Variants in SULF1 observed in about 807,000 individuals in gnomAD.
SULF1 encodes the protein sulfatase 1.
A neutral mutation model predicts 110.5 loss-of-function variants in SULF1; 46 were observed. That is an observed-to-expected ratio of 0.42 (90% CI 0.33 to 0.53). The LOEUF (loss-of-function observed/expected upper bound fraction) is 0.53. Ranked by LOEUF, SULF1 falls within the 20% of genes least tolerant of loss-of-function variation. The pLI, the probability that SULF1 is intolerant of heterozygous loss-of-function variation, is 0.12. For missense variants in SULF1, 941 were observed against 1,094.2 expected (o/e 0.86, Z 1.98); for synonymous variants, 371 against 387.1 (o/e 0.96, Z 0.49).
At position 69,605,299 on chromosome 8, in the gene SULF1, G is replaced by A. The variant is rs34605498; in HGVS notation, c.1377+367G>A. Among the ~76,000 whole-genome samples, 893 of 152,304 alleles carry A rather than the reference G, an allele frequency of 5.9e-3. 9 individuals are homozygous for A. The highest frequency in any genetic ancestry group is 6.6e-3 in the Non-Finnish European group (451 of 68,032). ...CAGGTACGTGCTGAGCCTCTTGGCA[G>A]TGAACCACCCCAAGAGACATGATAG... On this transcript the variant is annotated intron_variant, in intron 13 of 22. Transcript: ENST00000402687.
chr8:69,566,803 TCACACCATTGCACTCCAGCCTGGG>T (rs1275080402), intron 5 of SULF1, among the ~76,000 whole-genome samples: 1 of 151,726 alleles, frequency 6.6e-6, no homozygotes, highest in Non-Finnish European at 1.5e-5. Context: ...TGAGCCGAGA[TCACACCATTGCACTCCAGCCTGGG>T]CTACAGAGCG....
In SULF1 at chr8:69,534,530, A is replaced by G. The variant is rs199707442; in HGVS notation, c.-133-29009A>G. Among the ~76,000 whole-genome samples, 35 of 152,348 alleles carry G rather than the reference A, an allele frequency of 2.3e-4. No individual in the cohort carries two copies. The East Asian group carries it at 6.6e-3, about 29-fold the overall frequency. On this transcript the variant is annotated intron_variant, in intron 3 of 22. Transcript: ENST00000402687. Reference sequence around the variant, plus strand: ...CACTGAAGTTTTAGAATATATAAGAACAAGTATTCCTTCCAGGAAGGTAGG... The same window carrying G: ...CACTGAAGTTTTAGAATATATAAGAGCAAGTATTCCTTCCAGGAAGGTAGG...
In SULF1 at chr8:69,660,400, C is replaced by T. The variant is rs1813029310; in HGVS notation, c.*1865C>T. On this transcript the variant is annotated 3_prime_UTR_variant, in exon 23 of 23. Transcript: ENST00000402687. ...CTTTTAAAGACATAGTTCAAAATTG[C>T]TTTTGAAAATCTGTATTCTTGAAAA... The T allele has an allele frequency of 6.6e-6, 1 of 152,442 alleles. No individual in the cohort carries two copies. Among genetic ancestry groups the T allele is most frequent in the Non-Finnish European group, 1.5e-5 (1 of 68,022 alleles). The allele number at this position is 152,442 out of a possible 1,614,324, so 9.4% of individuals were successfully genotyped here.
chr8:69,506,767 C>G (rs1188367707), intron 3 of SULF1, among the ~76,000 whole-genome samples: 1 of 152,174 alleles, frequency 6.6e-6, no homozygotes, highest in African/African-American at 2.4e-5. Flanking sequence ...AGAAAAATAG[C>G]TCTTCCCCTG....
chr8:69,551,137 A>G (rs1056794313), intron 3 of SULF1, among the ~76,000 whole-genome samples: 6 of 152,244 alleles, frequency 3.9e-5, no homozygotes, highest in Non-Finnish European at 8.8e-5. Flanking sequence ...GCTGAACAGA[A>G]TTGGTAAACT....
In SULF1 at chr8:69,609,423, C is replaced by G. The variant is rs191895226; in HGVS notation, c.1377+4491C>G. Among the ~76,000 whole-genome samples the G allele has an allele frequency of 2.0e-3, 298 of 152,284 alleles. 2 individuals carry two copies. Among genetic ancestry groups the G allele is most frequent in the African/African-American group, 5.1e-3 (212 of 41,546 alleles). ...CACTTGAAAAATGCTGATGCACCCC[C>G]CAGACCAACCAGGTTAAAAATGTCT... On this transcript the variant is annotated intron_variant, in intron 13 of 22. Transcript: ENST00000402687.
chr8:69,648,948 C>T (rs143870147), intron 22 of SULF1, among the ~76,000 whole-genome samples: 134 of 152,300 alleles, frequency 8.8e-4, no homozygotes, highest in African/African-American at 3.0e-3. Context: ...AATGGATTCA[C>T]GGCTTTTCTG....
chr8:69,601,572 T>G (rs1216731235), intron 9 of SULF1, 82 bp from the exon 10 acceptor site: 16 of 1,200,444 alleles, frequency 1.3e-5, no homozygotes, highest in Non-Finnish European at 1.8e-5. Flanking sequence ...GAAAAAGATT[T>G]GGGGGCAATC....
chr8:69,490,848 G>C (rs1809905519), upstream of SULF1, among the ~76,000 whole-genome samples: 4 of 152,194 alleles, frequency 2.6e-5, no homozygotes. Context: ...ATCTAGGCCA[G>C]TTCCTGAAAC....
At chr8:69,539,064 C>T (rs1238260246) in intron 3 of SULF1, among the ~76,000 whole-genome samples, 1 of 152,220 alleles carries the variant, frequency 6.6e-6, no homozygotes, top group Non-Finnish European at 1.5e-5. Context: ...GTGTCCAGGG[C>T]TGCCTTTGAA....
rs1273525221 is a variant in SULF1, at chr8:69,561,364, A to G, written c.-133-2175A>G. Among the ~76,000 whole-genome samples the G allele has an allele frequency of 2.6e-5, 4 of 152,220 alleles. No individual in the cohort carries two copies. In the South Asian group the frequency reaches 6.2e-4, roughly 24 times the overall value. On this transcript the variant is annotated intron_variant, in intron 3 of 22. Transcript: ENST00000402687. ...ATTCACCAGAAAGGAAGTTCATTTCATAGGAAAAAACCACTCTCTCTTTTC... is the reference window on the plus strand; with the variant it reads ...ATTCACCAGAAAGGAAGTTCATTTCGTAGGAAAAAACCACTCTCTCTTTTC...
At chr8:69,485,845 C>T (rs1347309219) in intron 1 of SULF1, among the ~76,000 whole-genome samples, 2 of 152,118 alleles carry the variant, frequency 1.3e-5, no homozygotes, top group Admixed American at 6.5e-5. Flanking sequence ...TTTCTTGGAC[C>T]GTGTTCATTT....
chr8:69,637,600 T>G (rs115145727), intron 19 of SULF1: 6,999 of 154,360 alleles, frequency 0.045, 216 homozygotes, highest in South Asian at 0.095. Flanking sequence ...AAACAGCAAA[T>G]TTCAACAATG....
At chr8:69,637,067 A>G (rs1353274718) in intron 19 of SULF1, among the ~76,000 whole-genome samples, 2 of 152,232 alleles carry the variant, frequency 1.3e-5, no homozygotes, top group Admixed American at 6.5e-5. Context: ...ATAAGAGAAG[A>G]CAACACTTCA....
chr8:69,594,564 T>C (rs1807161510), intron 8 of SULF1, among the ~76,000 whole-genome samples: 1 of 152,228 alleles, frequency 6.6e-6, no homozygotes, highest in Non-Finnish European at 1.5e-5. Flanking sequence ...TCCCTCTGTG[T>C]AAGCCACAGG....
At chr8:69,601,287 C>T (rs1176907442) in intron 9 of SULF1, among the ~76,000 whole-genome samples, 1 of 152,164 alleles carries the variant, frequency 6.6e-6, no homozygotes, top group Non-Finnish European at 1.5e-5. Flanking sequence ...CAGAAGCAGC[C>T]TGTTTTTAAC....
chr8:69,616,261 C>A (rs1809137793), intron 13 of SULF1, among the ~76,000 whole-genome samples: 1 of 149,958 alleles, frequency 6.7e-6, no homozygotes, highest in Admixed American at 6.7e-5. Flanking sequence ...GCTCTGTCAC[C>A]CAGGCTGGAG....
Position 69,583,505 on chromosome 8 carries a change from C to G in SULF1, c.413-2852C>G, listed in dbSNP as rs141270917. On this transcript the variant is annotated intron_variant, in intron 6 of 22. Coordinates refer to ENST00000402687, the MANE Select transcript of SULF1 (RefSeq NM_001128205.2). ...AGGAGAATCGCTTGAACCCAAGAGG[C>G]AGAGGTTGCAGTGAGCCGAGATCAC... Among the ~76,000 whole-genome samples the G allele has an allele frequency of 7.1e-3, 1,055 of 148,890 alleles. 16 individuals carry two copies. Among genetic ancestry groups the G allele is most frequent in the African/African-American group, 0.025 (1,001 of 40,296 alleles).
At position 69,600,744 on chromosome 8, in the gene SULF1, T is replaced by G. The variant is rs1244922738; in HGVS notation, c.876T>G (p.Ser292=). ...RLQTLMSVDD[S]VERLYNMLVE... Reference sequence around the variant, plus strand: ...AGACTTTGATGTCAGTGGATGATTCTGTGGAGAGGGTAAGCACATGAACCT... The same window carrying G: ...AGACTTTGATGTCAGTGGATGATTCGGTGGAGAGGGTAAGCACATGAACCT... The change falls in exon 9 of 23, where the codon TCT becomes TCG. Residue 292 remains serine (S), a synonymous_variant. Coordinates refer to ENST00000402687, the MANE Select transcript of SULF1 (RefSeq NM_001128205.2). 3 of 1,613,736 alleles carry G rather than the reference T, an allele frequency of 1.9e-6. No individual in the cohort carries two copies. The African/African-American group carries it at 4.0e-5, about 22-fold the overall frequency.
Sources: gnomAD v4.1 joint callset for allele counts (sites outside exome capture counted in the v4.1 genomes callset) on GRCh38, gnomAD v4.1.1 for gene constraint, MANE v1.5 for transcripts, NCBI Gene and HGNC (gene_info 2026-07-23, HGNC 2026-07-21) for gene names.